TRPM3: variants seen among roughly 807,000 people sequenced by gnomAD.
TRPM3 encodes transient receptor potential cation channel subfamily M member 3.
Under a neutral mutation model 181.2 loss-of-function variants are expected in TRPM3, and 77 were observed. The observed-to-expected ratio is 0.42, with a 90% CI of 0.35 to 0.51. The LOEUF (loss-of-function observed/expected upper bound fraction) is 0.51. Ranked by LOEUF, TRPM3 falls within the 20% of genes least tolerant of loss-of-function variation. TRPM3 has a pLI of 0.01. For missense variants in TRPM3, 1,759 were observed against 2,196.7 expected (o/e 0.80, Z 3.98); for synonymous variants, 745 against 796.4 (o/e 0.94, Z 1.09).
chr9:71,254,023 G>A (rs1192684685), intron 1 of TRPM3, among the ~76,000 whole-genome samples: 1 of 152,106 alleles, frequency 6.6e-6, no homozygotes, highest in Non-Finnish European at 1.5e-5. Context: ...GGATTCAAAT[G>A]ATTCTCCTGC....
chr9:71,307,007 T>C (rs1243408961), intron 1 of TRPM3, among the ~76,000 whole-genome samples: 1 of 152,260 alleles, frequency 6.6e-6, no homozygotes, highest in African/African-American at 2.4e-5. Flanking sequence ...GATTACTCAC[T>C]AGTTTGCTTC....
chr9:70,649,816 A>G (rs371439613), intron 9 of TRPM3, among the ~76,000 whole-genome samples: 2 of 152,168 alleles, frequency 1.3e-5, no homozygotes, highest in Admixed American at 1.3e-4. Flanking sequence ...CTGGGCATAC[A>G]CTCAAAGGAA....
intron 1 of TRPM3, among the ~76,000 whole-genome samples, chr9:71,422,459 C>T (rs1489142143): frequency 2.0e-5 from 3 of 152,006 alleles, no homozygotes; most frequent in African/African-American, 7.2e-5. Context: ...TGAGTTAGGC[C>T]TAGTGGCAAA....
intron 1 of TRPM3, among the ~76,000 whole-genome samples, chr9:71,197,472 T>C (rs1189355612): frequency 1.3e-5 from 2 of 152,042 alleles, no homozygotes; most frequent in East Asian, 3.9e-4. Flanking sequence ...GTTGAACTAG[T>C]TTACAGTCCC....
chr9:70,995,098 CTGTG>C (rs200104541), intron 1 of TRPM3, among the ~76,000 whole-genome samples: 2 of 151,022 alleles, frequency 1.3e-5, no homozygotes, highest in African/African-American at 4.9e-5. Flanking sequence ...CTGGGTGTGT[CTGTG>C]TGTGTGTGTG....
chr9:70,576,971 A>C (rs963206049), intron 22 of TRPM3, among the ~76,000 whole-genome samples: 1 of 151,970 alleles, frequency 6.6e-6, no homozygotes, highest in African/African-American at 2.4e-5. Context: ...CATTATTCAC[A>C]TTTCAGCTCA....
At chr9:71,420,462 G>T (rs115784624) in intron 1 of TRPM3, among the ~76,000 whole-genome samples, 3 of 151,364 alleles carry the variant, frequency 2.0e-5, no homozygotes, top group African/African-American at 4.9e-5. Context: ...ATTTTGAGCC[G>T]AAGGCAAGGA....
intron 21 of TRPM3, among the ~76,000 whole-genome samples, chr9:70,595,232 A>G (rs2058798571): frequency 6.6e-6 from 1 of 152,204 alleles, no homozygotes; most frequent in African/African-American, 2.4e-5. Context: ...AAAGGGTAAT[A>G]TATTTGGTTT....
intron 1 of TRPM3, among the ~76,000 whole-genome samples, chr9:71,259,069 A>G (rs1349666583): frequency 1.3e-5 from 2 of 148,752 alleles, no homozygotes; most frequent in African/African-American, 5.0e-5. Context: ...GACAGGCCCC[A>G]GTGTGTGATG....
intron 22 of TRPM3, among the ~76,000 whole-genome samples, chr9:70,569,210 C>T (rs1482071153): frequency 1.3e-5 from 2 of 152,170 alleles, no homozygotes; most frequent in Non-Finnish European, 2.9e-5. Flanking sequence ...TATCCTGCAT[C>T]TGTTTTTAAT....
At chr9:70,582,176 CTGTGCGTGTGTG>C (rs1323938919) in intron 22 of TRPM3, among the ~76,000 whole-genome samples, 1 of 77,926 alleles carries the variant, frequency 1.3e-5, no homozygotes, top group Non-Finnish European at 2.6e-5. Flanking sequence ...CGCCTCCACC[CTGTGCGTGTGTG>C]TGTGTGTGTG....
At chr9:71,430,394 C>T (rs2093936805) in intron 1 of TRPM3, among the ~76,000 whole-genome samples, 1 of 152,158 alleles carries the variant, frequency 6.6e-6, no homozygotes, top group East Asian at 1.9e-4. Flanking sequence ...GATGGAAATT[C>T]TTCAATTCTA....
chr9:70,739,042 C>T (rs2073406444), intron 8 of TRPM3, among the ~76,000 whole-genome samples: 1 of 151,966 alleles, frequency 6.6e-6, no homozygotes. Context: ...CAGCTGAATT[C>T]TATCAGATAT....
At chr9:71,292,807 T>C (rs1168874853) in intron 1 of TRPM3, among the ~76,000 whole-genome samples, 2 of 151,858 alleles carry the variant, frequency 1.3e-5, no homozygotes, top group South Asian at 2.1e-4. Context: ...AGTCTAACTT[T>C]TGATACTGAC....
chr9:70,949,580 C>T (rs551863349), intron 1 of TRPM3, among the ~76,000 whole-genome samples: 9 of 151,126 alleles, frequency 6.0e-5, no homozygotes, highest in East Asian at 2.0e-4. Context: ...CTTGGTCTGT[C>T]GACCAGGCTG....
intron 7 of TRPM3, among the ~76,000 whole-genome samples, chr9:70,779,765 T>C (rs1259443458): frequency 1.3e-5 from 2 of 152,160 alleles, no homozygotes; most frequent in Non-Finnish European, 2.9e-5. Context: ...GATTTAGAAA[T>C]AAAATTTGAT....
chr9:71,103,023 A>C (rs748631925), intron 1 of TRPM3, among the ~76,000 whole-genome samples: 1 of 152,198 alleles, frequency 6.6e-6, no homozygotes, highest in Non-Finnish European at 1.5e-5. Flanking sequence ...TGGAGGGATA[A>C]AAATTTTTTT....
At chr9:71,400,407 G>A (rs149641195) in intron 1 of TRPM3, among the ~76,000 whole-genome samples, 2 of 152,110 alleles carry the variant, frequency 1.3e-5, no homozygotes, top group East Asian at 3.9e-4. Flanking sequence ...ACATTCACTG[G>A]GATGATCTAG....
chr9:71,423,028 C>T lies in TRPM3; in HGVS notation c.183+23625G>A, dbSNP rs188837293. On this transcript the variant is annotated intron_variant, in intron 1 of 24. Coordinates refer to the TRPM3 transcript ENST00000357533. ...CCAGTAAACTGACAAATGTGTTCTA[C>T]GACAATCCCCTATATAGCTGATTAT... Among the ~76,000 whole-genome samples, 335 of 152,152 alleles carry T rather than the reference C, an allele frequency of 2.2e-3. 1 individual carries two copies. Among genetic ancestry groups the T allele is most frequent in the Non-Finnish European group, 3.1e-3 (212 of 67,958 alleles).
Sources: gnomAD v4.1 joint callset for allele counts (sites outside exome capture counted in the v4.1 genomes callset) on GRCh38, gnomAD v4.1.1 for gene constraint, MANE v1.5 for transcripts, NCBI Gene and HGNC (gene_info 2026-07-23, HGNC 2026-07-21) for gene names.